The following ZNF469 variants were observed in gnomAD, a reference collection of about 807,000 sequenced individuals.
ZNF469 encodes zinc finger protein 469.
In ZNF469, 1 loss-of-function variant was observed where a neutral mutation model predicts 1.0. The observed-to-expected ratio is 1.00, with a 90% CI of 0.35 to 4.73. ZNF469 has a LOEUF of 4.73. Ranked by LOEUF, ZNF469 falls within the 30% of genes most tolerant of loss-of-function variation. ZNF469 has a pLI of 0.16. For synonymous variants in ZNF469, 2,703 were observed against 2,363.4 expected (o/e 1.14, Z -4.17); for missense variants, 6,100 against 5,356.3 (o/e 1.14, Z -4.33).
At chr16:88,198,834 G>A in the ZNF469 span, among the ~76,000 whole-genome samples, 7 of 152,218 alleles carry the variant, frequency 4.6e-5, no homozygotes, top group Non-Finnish European at 7.3e-5. Context: ...ACGCCGGGAC[G>A]TTGCAAGGCA....
the ZNF469 span, among the ~76,000 whole-genome samples, chr16:88,175,022 G>A: frequency 6.6e-6 from 1 of 152,054 alleles, no homozygotes; most frequent in African/African-American, 2.4e-5. Flanking sequence ...GGGCTGACAT[G>A]ACACAGACAC....
chr16:88,384,566 CA>C (rs2092533188), intron 1 of ZNF469, among the ~76,000 whole-genome samples: 1 of 152,162 alleles, frequency 6.6e-6, no homozygotes, highest in Non-Finnish European at 1.5e-5. Flanking sequence ...TCCCAGACCA[CA>C]GGACAGAGCT....
At chr16:88,408,438 C>A (rs1905069415) in intron 1 of ZNF469, among the ~76,000 whole-genome samples, 1 of 152,250 alleles carries the variant, frequency 6.6e-6, no homozygotes, top group African/African-American at 2.4e-5. Context: ...AGGCGTGAGC[C>A]ACCGTGCCCA....
chr16:88,141,970 G>A, the ZNF469 span, among the ~76,000 whole-genome samples: 2 of 152,262 alleles, frequency 1.3e-5, no homozygotes, highest in African/African-American at 2.4e-5. Flanking sequence ...TCAGCCATAA[G>A]TCTGTGGGCC....
the ZNF469 span, among the ~76,000 whole-genome samples, chr16:88,335,867 A>G: frequency 9.2e-5 from 14 of 151,982 alleles, no homozygotes; most frequent in Middle Eastern, 3.4e-3. Flanking sequence ...TGATGTGCCA[A>G]TACCACACAC....
chr16:88,435,870 G>T lies in ZNF469; in HGVS notation c.8400G>T (p.Leu2800=). The change falls in exon 3 of 3, where the codon CTG becomes CTT. Residue 2800 remains leucine, a synonymous_variant. Transcript: ENST00000565624. The stretch of plus-strand genomic sequence containing the variant: ...AGAACACGCCCCCCTTGGGCCCCCT[G>T]GGTTTTCCCGAGACTTCCAGCTCTC... ...WEENTPPLGP[L]GFPETSSSPA... 1.3e-6 allele frequency: 2 copies of T among 1,550,258 alleles called. No homozygotes were observed. The highest frequency in any genetic ancestry group is 1.7e-6 in the Non-Finnish European group (2 of 1,146,960).
At chr16:88,346,255 C>T in the ZNF469 span, among the ~76,000 whole-genome samples, 1 of 152,214 alleles carries the variant, frequency 6.6e-6, no homozygotes, top group Non-Finnish European at 1.5e-5. Flanking sequence ...GAGGGAGAAG[C>T]ATGGTCTCTG....
chr16:88,106,854 G>A, the ZNF469 span, among the ~76,000 whole-genome samples: 39 of 152,384 alleles, frequency 2.6e-4, no homozygotes, highest in East Asian at 9.6e-4. Context: ...GCCCCCAGGC[G>A]GGAATCCCAC....
intron 2 of ZNF469, among the ~76,000 whole-genome samples, chr16:88,427,127 G>T (rs1282954929): frequency 6.6e-6 from 1 of 152,256 alleles, no homozygotes; most frequent in Admixed American, 6.5e-5. Flanking sequence ...AGACAGGGAA[G>T]GGTCCCTGTT....
chr16:88,194,634 C>T, the ZNF469 span: 1 of 152,258 alleles, frequency 6.6e-6, no homozygotes, highest in Admixed American at 6.5e-5. Flanking sequence ...TCGCGCTGCC[C>T]CCGGCGTCTC....
the ZNF469 span, among the ~76,000 whole-genome samples, chr16:88,314,133 C>G: frequency 4.3e-4 from 59 of 135,950 alleles, 3 homozygotes; most frequent in African/African-American, 1.5e-3. Flanking sequence ...TCAGGCAGTG[C>G]TGGTGTGGAC....
the ZNF469 span, among the ~76,000 whole-genome samples, chr16:88,208,541 AGGAAGGAG>A: frequency 3.0e-5 from 2 of 66,006 alleles, no homozygotes; most frequent in African/African-American, 1.1e-4. Context: ...AGAGGGAAGA[AGGAAGGAG>A]GGAAGGAGGG....
At chr16:88,160,602 CACA>C in the ZNF469 span, among the ~76,000 whole-genome samples, 1 of 152,182 alleles carries the variant, frequency 6.6e-6, no homozygotes, top group Admixed American at 6.5e-5. Flanking sequence ...CAACTCTTTT[CACA>C]ACAACTTAGC....
At chr16:88,237,138 A>ACTCACCCTCCCTGCCCTCCG in the ZNF469 span, among the ~76,000 whole-genome samples, 1 of 110,234 alleles carries the variant, frequency 9.1e-6, no homozygotes, top group Non-Finnish European at 1.9e-5. Context: ...TAAATCCTCC[A>ACTCACCCTCCCTGCCCTCCG]TGCTCCTGCC....
the ZNF469 span, among the ~76,000 whole-genome samples, chr16:88,172,324 G>A: frequency 6.6e-6 from 1 of 152,166 alleles, no homozygotes; most frequent in African/African-American, 2.4e-5. Context: ...ACACAGGGTG[G>A]GGGACGGTTT....
chr16:88,137,072 G>A, the ZNF469 span, among the ~76,000 whole-genome samples: 6 of 152,108 alleles, frequency 3.9e-5, no homozygotes, highest in Admixed American at 3.3e-4. Flanking sequence ...CACCACACAA[G>A]CACCATGTGT....
Position 88,432,168 on chromosome 16 carries a change from A to G in ZNF469, c.4698A>G (p.Lys1566=). Residue 1566 remains lysine (K), a synonymous_variant, in exon 3 of 3, where the codon AAA becomes AAG. Coordinates refer to ENST00000565624, the MANE Select transcript of ZNF469 (RefSeq NM_001367624.2). ...HLSEDELEIQ[K]LVTELESQLQ... is the part of the protein sequence containing the mutation. ...CCGAGGATGAACTGGAGATCCAGAA[A>G]TTGGTCACCGAATTAGAAAGTCAGC... is the stretch of plus-strand genomic sequence containing the variant. 6.5e-7 allele frequency: 1 copy of G among 1,550,326 alleles called. No homozygotes were observed. The highest frequency in any genetic ancestry group is 8.7e-7 in the Non-Finnish European group (1 of 1,146,982).
the ZNF469 span, among the ~76,000 whole-genome samples, chr16:88,374,221 A>G: frequency 1.3e-5 from 2 of 152,202 alleles, no homozygotes; most frequent in Non-Finnish European, 2.9e-5. Context: ...GCACAGCGAG[A>G]CACAGGACAC....
In ZNF469 at chr16:88,429,037, A is replaced by G; in HGVS notation, c.1567A>G (p.Thr523Ala). 2 of 1,549,670 alleles carry G rather than the reference A, an allele frequency of 1.3e-6. No individual in the cohort carries two copies. Among genetic ancestry groups the G allele is most frequent in the Non-Finnish European group, 1.7e-6 (2 of 1,146,812 alleles). Residue 523 changes from threonine (T) to alanine (A), a missense_variant, in exon 3 of 3, where the codon ACT becomes GCT. By Grantham distance (58) the Thr-to-Ala change is moderately conservative. Transcript: ENST00000565624. ...WQGGSQGALG[T>A]AGKTPGPREK... The stretch of plus-strand genomic sequence containing the variant: ...GGGGGGCAGCCAAGGAGCCCTGGGC[A>G]CTGCTGGCAAGACACCGGGACCCAG...
Sources: gnomAD v4.1 joint callset for allele counts (sites outside exome capture counted in the v4.1 genomes callset) on GRCh38, gnomAD v4.1.1 for gene constraint, MANE v1.5 for transcripts, NCBI Gene and HGNC (gene_info 2026-07-23, HGNC 2026-07-21) for gene names.